Variants in TYW1B observed in about 807,000 individuals in gnomAD.
TYW1B encodes tRNA-yW synthesizing protein 1 homolog B.
In TYW1B, 73 loss-of-function variants were observed where a neutral mutation model predicts 86.9. The ratio of observed to expected loss-of-function variants is 0.84; its 90% CI spans 0.70 to 1.02. TYW1B has a LOEUF of 1.02. Among genes scored for constraint, TYW1B ranks in the 50% least tolerant of loss-of-function variants. The pLI is 0.00. For missense variants in TYW1B, 637 were observed against 827.4 expected, an observed-to-expected ratio of 0.77 and a Z score of 2.82; for synonymous variants, 248 against 292.8, an observed-to-expected ratio of 0.85 and a Z score of 1.56.
intron 7 of TYW1B, among the ~76,000 whole-genome samples, chr7:72,775,637 T>A (rs1317457511): frequency 6.6e-6 from 1 of 151,776 alleles, no homozygotes; most frequent in Admixed American, 6.6e-5. Context: ...CATTTTCAGA[T>A]ATACGAAAGC....
chr7:72,643,935 T>C (rs1585871314), intron 11 of TYW1B, among the ~76,000 whole-genome samples: 1 of 152,034 alleles, frequency 6.6e-6, no homozygotes, highest in Admixed American at 6.6e-5. Flanking sequence ...CTTAAAGTCA[T>C]TAAAAGAAAG....
intron 10 of TYW1B, among the ~76,000 whole-genome samples, chr7:72,709,780 G>T (rs1554454364): frequency 1.3e-5 from 2 of 152,106 alleles, no homozygotes; most frequent in East Asian, 3.8e-4. Context: ...TCATTTTCAG[G>T]ATCGGAGAAA....
At chr7:72,644,309 G>A (rs1391994797) in intron 11 of TYW1B, among the ~76,000 whole-genome samples, 2 of 152,120 alleles carry the variant, frequency 1.3e-5, no homozygotes, top group African/African-American at 4.8e-5. Flanking sequence ...CAACACTTTG[G>A]GAGGTTGACG....
chr7:72,772,874 TACAAGTCTCCAGAGGTA>T (rs1296203409), intron 7 of TYW1B, among the ~76,000 whole-genome samples: 1 of 152,334 alleles, frequency 6.6e-6, no homozygotes, highest in East Asian at 1.9e-4. Context: ...CAATTTGGAT[TACAAGTCTCCAGAGGTA>T]ACATTTACAG....
At position 72,662,095 on chromosome 7, in the gene TYW1B, A is replaced by T. The variant is rs1813341032; in HGVS notation, c.1506+32592T>A. 2.0e-5 allele frequency among the ~76,000 whole-genome samples: 3 copies of T among 152,222 alleles called. No individual in the cohort carries two copies. The South Asian group carries it at 6.2e-4, about 32-fold the overall frequency. ...ACATGGTCATGTCATAATGGGTTAT[A>T]AACAGACAAATGGACCTACAACCTG... On this transcript the variant is annotated intron_variant, in intron 11 of 13. Coordinates refer to ENST00000620995, the MANE Select transcript of TYW1B (RefSeq NM_001145440.3).
chr7:72,680,686 T>C (rs1436485145), intron 11 of TYW1B, among the ~76,000 whole-genome samples: 1 of 152,152 alleles, frequency 6.6e-6, no homozygotes, highest in Admixed American at 6.6e-5. Context: ...TCTGTCCCTC[T>C]AGAGAACCCT....
intron 11 of TYW1B, among the ~76,000 whole-genome samples, chr7:72,632,376 T>TTATATATATATATACGTATATATATATAA (rs559879811): frequency 4.2e-5 from 4 of 96,242 alleles, no homozygotes; most frequent in African/African-American, 1.9e-4. Flanking sequence ...CGCATATATA[T>TTATATATATATATACGTATATATATATAA]TATATATATA....
intron 5 of TYW1B, among the ~76,000 whole-genome samples, chr7:72,806,847 A>C (rs1381749046): frequency 1.3e-5 from 2 of 151,738 alleles, no homozygotes; most frequent in African/African-American, 4.8e-5. Flanking sequence ...AAGATAGGGT[A>C]TTGCTATGTT....
chr7:72,798,215 C>A (rs191533976), intron 6 of TYW1B, among the ~76,000 whole-genome samples: 6 of 152,066 alleles, frequency 3.9e-5, no homozygotes, highest in African/African-American at 1.4e-4. Flanking sequence ...CACGGTGAAA[C>A]CCCGTCTCTA....
At chr7:72,812,992 C>T (rs1451627340) in intron 3 of TYW1B, among the ~76,000 whole-genome samples, 1 of 151,894 alleles carries the variant, frequency 6.6e-6, no homozygotes, top group Non-Finnish European at 1.5e-5. Flanking sequence ...CCCCACCTGG[C>T]CTCTGTTTTT....
At chr7:72,666,749 C>G (rs1477473213) in intron 11 of TYW1B, among the ~76,000 whole-genome samples, 1 of 151,782 alleles carries the variant, frequency 6.6e-6, no homozygotes, top group Admixed American at 6.6e-5. Flanking sequence ...AAAATGAAAC[C>G]AGTCGGGCGC....
In TYW1B at chr7:72,649,660, AC is replaced by A. The variant is rs374471515; in HGVS notation, c.1507-20664del. Among the ~76,000 whole-genome samples, 72 of 152,316 alleles carry A rather than the reference AC, an allele frequency of 4.7e-4. 1 individual carries two copies. Among genetic ancestry groups the A allele is most frequent in the African/African-American group, 1.7e-3 (70 of 41,566 alleles). Reference sequence around the variant, plus strand: ...ACAGGGTATGAGAAGGATATTTAAGACAGCCAAATTATGCTTCACAAAACGA... The same window carrying A: ...ACAGGGTATGAGAAGGATATTTAAGAAGCCAAATTATGCTTCACAAAACGA... On this transcript the variant is annotated intron_variant, in intron 11 of 13. Coordinates refer to ENST00000620995, the MANE Select transcript of TYW1B (RefSeq NM_001145440.3).
intron 10 of TYW1B, among the ~76,000 whole-genome samples, chr7:72,710,381 A>G (rs782181870): frequency 6.6e-6 from 1 of 152,226 alleles, no homozygotes; most frequent in Non-Finnish European, 1.5e-5. Flanking sequence ...CCTATGTAAA[A>G]TAGACACATT....
intron 6 of TYW1B, among the ~76,000 whole-genome samples, chr7:72,779,524 C>T (rs1788013726): frequency 1.3e-5 from 2 of 152,040 alleles, no homozygotes; most frequent in South Asian, 4.1e-4. Flanking sequence ...TGAGACCAGC[C>T]TGGCTAACAT....
At chr7:72,713,305 A>G (rs1786714013) in intron 10 of TYW1B, among the ~76,000 whole-genome samples, 3 of 150,510 alleles carry the variant, frequency 2.0e-5, no homozygotes, top group Admixed American at 2.0e-4. Context: ...CAACTCAAAA[A>G]AAAAAAAAAA....
In TYW1B at chr7:72,575,405, A is replaced by G. The variant is rs535860935; in HGVS notation, c.*93T>C. ...TCTCCTTTGTATGAAAGTATAATTTACGTAATTCGTCCTTGGAGAATCAGA... is the reference window on the plus strand; with the variant it reads ...TCTCCTTTGTATGAAAGTATAATTTGCGTAATTCGTCCTTGGAGAATCAGA... On this transcript the variant is annotated 3_prime_UTR_variant, in exon 14 of 14. Coordinates refer to ENST00000620995, the MANE Select transcript of TYW1B (RefSeq NM_001145440.3). The G allele has an allele frequency of 6.0e-5, 90 of 1,504,748 alleles. No individual in the cohort carries two copies. In the African/African-American group the frequency reaches 1.1e-3, roughly 19 times the overall value. 93.2% of individuals were successfully genotyped at this position (1,504,748 alleles called of 1,614,324 possible).
At chr7:72,586,488 G>A (rs1375803448) in intron 13 of TYW1B, among the ~76,000 whole-genome samples, 2 of 152,184 alleles carry the variant, frequency 1.3e-5, no homozygotes, top group Non-Finnish European at 2.9e-5. Flanking sequence ...TGTAATCCCA[G>A]CACTTTGGGC....
chr7:72,701,564 A>G (rs1814475794), intron 10 of TYW1B, among the ~76,000 whole-genome samples: 1 of 152,090 alleles, frequency 6.6e-6, no homozygotes, highest in South Asian at 2.1e-4. Context: ...ACGCCTGGCT[A>G]TTGTTTTAAA....
chr7:72,610,903 A>G lies in TYW1B; in HGVS notation c.1785+5769T>C, dbSNP rs184310276. ...GGCACTCCCCTACCTAAAGCTCTTC[A>G]GTGCCTCCCCATGCCCTTTAGGGAA... On this transcript the variant is annotated intron_variant, in intron 13 of 13. Transcript: ENST00000620995. Among the ~76,000 whole-genome samples the G allele has an allele frequency of 8.9e-4, 135 of 152,306 alleles. 2 individuals are homozygous for G. The East Asian group carries it at 0.024, about 27-fold the overall frequency.
Sources: gnomAD v4.1 joint callset for allele counts (sites outside exome capture counted in the v4.1 genomes callset) on GRCh38, gnomAD v4.1.1 for gene constraint, MANE v1.5 for transcripts, NCBI Gene and HGNC (gene_info 2026-07-23, HGNC 2026-07-21) for gene names.